The following C3orf20 variants were observed in gnomAD, a reference collection of about 807,000 sequenced individuals.
C3orf20 encodes the protein uncharacterized protein C3orf20.
Under a neutral mutation model 88.3 loss-of-function variants are expected in C3orf20, and 76 were observed. The ratio of observed to expected loss-of-function variants is 0.86; its 90% confidence interval spans 0.72 to 1.04. The LOEUF is 1.04. C3orf20 is among the 50% of genes least tolerant of loss of function. The pLI is 0.00. For missense variants in C3orf20, 1,056 were observed against 1,123.3 expected (o/e 0.94, Z 0.86); for synonymous variants, 436 against 437.4 (o/e 1.00, Z 0.04).
At chr3:14,724,515 C>G (rs747115978) in intron 10 of C3orf20, among the ~76,000 whole-genome samples, 9 of 152,264 alleles carry the variant, frequency 5.9e-5, no homozygotes, top group Non-Finnish European at 1.0e-4. Context: ...CTGTGCTGTC[C>G]AATATTGTAG....
At chr3:14,711,875 G>T (rs537993309) in intron 7 of C3orf20, among the ~76,000 whole-genome samples, 1 of 151,930 alleles carries the variant, frequency 6.6e-6, no homozygotes, top group South Asian at 2.1e-4. Context: ...TTGTTTCTCA[G>T]TTCCTTCATT....
intron 12 of C3orf20, among the ~76,000 whole-genome samples, chr3:14,749,284 C>G (rs1326649086): frequency 6.6e-6 from 1 of 151,550 alleles, no homozygotes; most frequent in East Asian, 1.9e-4. Context: ...TATTTTTTTC[C>G]TTTAGGTTAT....
In C3orf20 at chr3:14,687,420, T is replaced by A. The variant is rs543472120; in HGVS notation, c.626-2577T>A. ...TGAAGATCTCTGTTTTAGGGGAAGTTACACTGTGCCTGTTTTGTTTAGGAT... is the reference window on the plus strand; with the variant it reads ...TGAAGATCTCTGTTTTAGGGGAAGTAACACTGTGCCTGTTTTGTTTAGGAT... On this transcript the variant is annotated intron_variant, in intron 4 of 16. Transcript: ENST00000253697. 2.0e-5 allele frequency among the ~76,000 whole-genome samples: 3 copies of A among 152,328 alleles called. No homozygotes were observed. The South Asian group carries it at 6.2e-4, about 32-fold the overall frequency.
chr3:14,726,760 A>G, intron 10 of C3orf20, 141 bp from the exon 11 acceptor site: 5 of 1,110,144 alleles, frequency 4.5e-6, no homozygotes, highest in Non-Finnish European at 6.5e-6. Flanking sequence ...GCTGAGAGGG[A>G]GAGAGGTGTG....
intron 12 of C3orf20, among the ~76,000 whole-genome samples, chr3:14,740,866 T>C (rs903557351): frequency 6.6e-6 from 1 of 152,210 alleles, no homozygotes; most frequent in Non-Finnish European, 1.5e-5. Flanking sequence ...TTTATTCTTA[T>C]ACTCTGCTGA....
chr3:14,686,151 C>T (rs940896138), intron 4 of C3orf20, among the ~76,000 whole-genome samples: 7 of 151,590 alleles, frequency 4.6e-5, no homozygotes, highest in Non-Finnish European at 8.8e-5. Flanking sequence ...TGAGCCACCA[C>T]GCCCAGCCCA....
Position 14,728,550 on chromosome 3 carries a change from G to A in C3orf20, c.1802G>A (p.Gly601Glu). The A allele has an allele frequency of 1.2e-6, 2 of 1,614,216 alleles. No homozygotes were observed. The highest frequency in any genetic ancestry group is 1.7e-6 in the Non-Finnish European group (2 of 1,180,044). The part of the protein sequence containing the change: ...ERLPKLSLYS[G>E]ESLLRSQSGH... Reference sequence around the variant, plus strand: ...CTCCCCAAGCTAAGTTTATACTCAGGAGAAAGTCTTTTACGATCTCAGTCA... The same window carrying A: ...CTCCCCAAGCTAAGTTTATACTCAGAAGAAAGTCTTTTACGATCTCAGTCA... Residue 601 changes from glycine (G) to glutamate (E), a missense_variant, in exon 12 of 17, where the codon GGA becomes GAA. Gly to Glu is a moderately conservative substitution (Grantham distance 98, BLOSUM62 -2). Transcript: ENST00000253697.
rs144077162 is a variant in C3orf20, at chr3:14,687,922, C to T, written c.626-2075C>T. On this transcript the variant is annotated intron_variant, in intron 4 of 16. Transcript: ENST00000253697. Reference sequence around the variant, plus strand: ...CTGCACCAGCCGATTGCTGAGAGCGCCCCTCTCCATCACACTCCCTAGCAA... The same window carrying T: ...CTGCACCAGCCGATTGCTGAGAGCGTCCCTCTCCATCACACTCCCTAGCAA... 5.8e-3 allele frequency among the ~76,000 whole-genome samples: 876 copies of T among 152,198 alleles called. 2 individuals carry two copies. The highest frequency in any genetic ancestry group is 0.02 in the African/African-American group (823 of 41,524).
chr3:14,678,201 G>A (rs972318285), intron 1 of C3orf20, among the ~76,000 whole-genome samples: 1 of 152,178 alleles, frequency 6.6e-6, no homozygotes, highest in African/African-American at 2.4e-5. Flanking sequence ...CAATTACTGA[G>A]CATTCAACTC....
In C3orf20 at chr3:14,714,091, T is replaced by G; in HGVS notation, c.1245T>G (p.Pro415=). 6.2e-7 allele frequency: 1 copy of G among 1,614,120 alleles called. No individual in the cohort carries two copies. Among genetic ancestry groups the G allele is most frequent in the African/African-American group, 1.3e-5 (1 of 75,056 alleles). Residue 415 remains proline (P), a synonymous_variant, in exon 8 of 17, where the codon CCT becomes CCG. Transcript: ENST00000253697. The part of the protein sequence containing the change: ...RTITCLFNDI[P]GFSLLALFNT... Reference sequence around the variant, plus strand: ...TCACCTGCCTCTTTAATGACATACCTGGATTCTCCTTGCTGGCCCTATTCA... The same window carrying G: ...TCACCTGCCTCTTTAATGACATACCGGGATTCTCCTTGCTGGCCCTATTCA...
chr3:14,715,515 G>A (rs1350071401), intron 9 of C3orf20, 106 bp downstream of exon 9: 7 of 1,383,000 alleles, frequency 5.1e-6, no homozygotes, highest in Admixed American at 4.8e-5. Context: ...AGGGCTACCC[G>A]TAAGACAGGA....
chr3:14,680,336 A>G (rs186485006), intron 1 of C3orf20, among the ~76,000 whole-genome samples: 16 of 152,362 alleles, frequency 1.1e-4, no homozygotes, highest in Middle Eastern at 3.4e-3. Context: ...GGAGTGAAGT[A>G]CTGATACATG....
At chr3:14,696,220 TAAC>T (rs1439276483) in intron 5 of C3orf20, among the ~76,000 whole-genome samples, 1 of 151,658 alleles carries the variant, frequency 6.6e-6, no homozygotes, top group Non-Finnish European at 1.5e-5. Flanking sequence ...TTTAAGCTGA[TAAC>T]AACTTCACAC....
chr3:14,680,715 A>G (rs2032041784), intron 1 of C3orf20, among the ~76,000 whole-genome samples: 1 of 152,228 alleles, frequency 6.6e-6, no homozygotes. Flanking sequence ...TCAAAAAACA[A>G]AGGAACTGGT....
intron 12 of C3orf20, among the ~76,000 whole-genome samples, chr3:14,750,556 A>T (rs1380685251): frequency 3.7e-5 from 1 of 26,910 alleles, no homozygotes; most frequent in African/African-American, 1.9e-4. Flanking sequence ...CCCTGTCTTA[A>T]AAAAAAAAAA....
chr3:14,772,227 A>T lies in C3orf20; in HGVS notation c.2630+26A>T. 2 of 1,614,152 alleles carry T rather than the reference A, an allele frequency of 1.2e-6. No homozygotes were observed. The highest frequency in any genetic ancestry group is 1.7e-6 in the Non-Finnish European group (2 of 1,180,002). ...GTAGGTGACCACATCAGCTGCCAGAATGGGCGTGGCTCACAGCAGGCCACC... is the reference window on the plus strand; with the variant it reads ...GTAGGTGACCACATCAGCTGCCAGATTGGGCGTGGCTCACAGCAGGCCACC... On this transcript the variant is annotated intron_variant, in intron 16 of 16. Coordinates refer to ENST00000253697, the MANE Select transcript of C3orf20 (RefSeq NM_032137.5). The surrounding 1 kb of genome is among the most constrained non-coding windows in gnomAD (Gnocchi z 4.2).
At chr3:14,704,984 CT>C (rs886568442) in intron 7 of C3orf20, among the ~76,000 whole-genome samples, 1 of 152,176 alleles carries the variant, frequency 6.6e-6, no homozygotes, top group African/African-American at 2.4e-5. Context: ...ATTAGGAGGC[CT>C]TAAACAATTG....
intron 12 of C3orf20, among the ~76,000 whole-genome samples, chr3:14,741,731 T>G (rs969404232): frequency 2.6e-5 from 4 of 152,220 alleles, no homozygotes; most frequent in Non-Finnish European, 5.9e-5. Context: ...GCTCTGGCAG[T>G]GTTACAGCTC....
At chr3:14,737,220 C>T (rs936837908) in intron 12 of C3orf20, among the ~76,000 whole-genome samples, 2 of 151,798 alleles carry the variant, frequency 1.3e-5, no homozygotes, top group African/African-American at 2.4e-5. Flanking sequence ...CTCTTTTTAT[C>T]CTCCCTTTTT....
Sources: gnomAD v4.1 joint callset for allele counts (sites outside exome capture counted in the v4.1 genomes callset) on GRCh38, gnomAD v4.1.1 for gene constraint, Gnocchi (gnomAD v3.1) non-coding constraint, MANE v1.5 for transcripts, NCBI Gene and HGNC (gene_info 2026-07-23, HGNC 2026-07-21) for gene names.